The following ADAP1 variants were observed in gnomAD, a reference collection of about 807,000 sequenced individuals.
ADAP1 encodes the protein arf-GAP with dual PH domain-containing protein 1.
Under a neutral mutation model 54.9 loss-of-function variants are expected in ADAP1, and 31 were observed. The observed-to-expected ratio is 0.56, with a 90% CI of 0.42 to 0.76. The LOEUF (loss-of-function observed/expected upper bound fraction) is 0.76, where lower values mean the gene tolerates loss of function less well. Among genes scored for constraint, ADAP1 ranks in the 30% least tolerant of loss-of-function variants. The pLI is 0.00. For synonymous variants in ADAP1, 313 were observed against 202.6 expected, an observed-to-expected ratio of 1.55 and a Z score of -4.63; for missense variants, 535 against 512.4, an observed-to-expected ratio of 1.04 and a Z score of -0.42.
At chr7:905,291 A>C (rs1239270269) in intron 4 of ADAP1, 119 bp from the exon 5 acceptor site, 12 of 311,326 alleles carry the variant, frequency 3.9e-5, no homozygotes, top group Non-Finnish European at 5.6e-5. Flanking sequence ...CGGACGGGGG[A>C]CACGGACAGG....
In ADAP1 at chr7:954,548, C is replaced by T. The variant is rs957328891; in HGVS notation, c.-71G>A. On this transcript the variant is annotated 5_prime_UTR_variant, in exon 1 of 11. Coordinates refer to ENST00000265846, the MANE Select transcript of ADAP1 (RefSeq NM_006869.4). ...GCGTCAGCCCGGCTCGCTAGGGCCC[C>T]GCGCAGGCCGCCCGCCGCCGCCGCC... 2 of 991,970 alleles carry T rather than the reference C, an allele frequency of 2.0e-6. No individual in the cohort carries two copies. Among genetic ancestry groups the T allele is most frequent in the Non-Finnish European group, 2.4e-6 (2 of 835,668 alleles). 61.4% of individuals were successfully genotyped at this position (991,970 alleles called of 1,614,324 possible). A position where few individuals can be genotyped will look rare whatever the true frequency, so the allele number is the denominator to read the frequency against.
intron 6 of ADAP1, 198 bp downstream of exon 6, chr7:903,928 C>A: frequency 1.6e-6 from 1 of 632,662 alleles, no homozygotes. Context: ...CCCATGCTGC[C>A]CGGCGCCAGT....
At position 920,085 on chromosome 7, in the gene ADAP1, A is replaced by G. The variant is rs574519914; in HGVS notation, c.306-35T>C. ...GAGGAGAGACTGAGCCACTGGGCCAAGGCGGCCTCCGACCCAGCACACGCC... is the reference window on the plus strand; with the variant it reads ...GAGGAGAGACTGAGCCACTGGGCCAGGGCGGCCTCCGACCCAGCACACGCC... On this transcript the variant is annotated intron_variant, in intron 3 of 10. Transcript: ENST00000265846. This position sits in a 1 kb window ranked among gnomAD's most constrained non-coding sequence, Gnocchi z 4.5. 6 of 1,592,250 alleles carry G rather than the reference A, an allele frequency of 3.8e-6. No individual in the cohort carries two copies. In the Admixed American group the frequency reaches 1.0e-4, roughly 27 times the overall value.
rs574069155 is a variant in ADAP1, at chr7:945,956, ACCTTTGC to A, written c.82+8433_82+8439del. On this transcript the variant is annotated intron_variant, in intron 1 of 10. Coordinates refer to ENST00000265846, the MANE Select transcript of ADAP1 (RefSeq NM_006869.4). This position sits in a 1 kb window ranked among gnomAD's most constrained non-coding sequence, Gnocchi z 4.2. ...TGTCCATGGGGCCCTGGTTCCAGAGACCTTTGCCCTCCCAAGGCTGACGCACAGCAGA... is the reference window on the plus strand; with the variant it reads ...TGTCCATGGGGCCCTGGTTCCAGAGACCTCCCAAGGCTGACGCACAGCAGA... 5.4e-5 allele frequency: 20 copies of A among 369,700 alleles called. No homozygotes were observed. Among genetic ancestry groups the A allele is most frequent in the Middle Eastern group, 1.3e-3 (1 of 750 alleles). 22.9% of individuals were successfully genotyped at this position (369,700 alleles called of 1,614,324 possible).
chr7:920,318 G>A lies in ADAP1; in HGVS notation c.306-268C>T, dbSNP rs1846139096. Among the ~76,000 whole-genome samples the A allele has an allele frequency of 6.6e-6, 1 of 152,148 alleles. No individual in the cohort carries two copies. Among genetic ancestry groups the A allele is most frequent in the Non-Finnish European group, 1.5e-5 (1 of 68,012 alleles). On this transcript the variant is annotated intron_variant, in intron 3 of 10. Coordinates refer to ENST00000265846, the MANE Select transcript of ADAP1 (RefSeq NM_006869.4). This position sits in a 1 kb window ranked among gnomAD's most constrained non-coding sequence, Gnocchi z 4.5. ...CACGTTCTGCACAAGCGTTCCCGGTGGACGGGCTGGTGCCTCCCCTCTCCT... is the reference window on the plus strand; with the variant it reads ...CACGTTCTGCACAAGCGTTCCCGGTAGACGGGCTGGTGCCTCCCCTCTCCT...
In ADAP1 at chr7:941,645, G is replaced by C. The variant is rs187066952; in HGVS notation, c.83-6140C>G. Among the ~76,000 whole-genome samples, 8 of 152,268 alleles carry C rather than the reference G, an allele frequency of 5.3e-5. No homozygotes were observed. In the East Asian group the frequency reaches 9.6e-4, roughly 18 times the overall value. On this transcript the variant is annotated intron_variant, in intron 1 of 10. Transcript: ENST00000265846. ...CAAAATATTGCTCAGAGAAATTAAA[G>C]AAGACCTACAGATTTTGGAAAGAGA...
intron 1 of ADAP1, among the ~76,000 whole-genome samples, chr7:943,421 T>G (rs1289455266): frequency 3.5e-3 from 10 of 2,866 alleles, no homozygotes; most frequent in Non-Finnish European, 4.9e-3. Context: ...AGGAAGGGAA[T>G]GAGGAGGAGG....
rs999513309 is a variant in ADAP1 at position 926,913 on chromosome 7, G to A, written c.214-269C>T. 38 of 1,131,150 alleles carry A rather than the reference G, an allele frequency of 3.4e-5. No individual in the cohort carries two copies. The African/African-American group carries it at 5.9e-4, about 17-fold the overall frequency. 70.1% of individuals were successfully genotyped at this position (1,131,150 alleles called of 1,614,324 possible). A position where few individuals can be genotyped will look rare whatever the true frequency, so the allele number is the denominator to read the frequency against. On this transcript the variant is annotated intron_variant, in intron 2 of 10. Transcript: ENST00000265846. This position sits in a 1 kb window ranked among gnomAD's most constrained non-coding sequence, Gnocchi z 4.6. ...CAGGGGCCAGGCCCCTTTTGAGGAT[G>A]GGTCTGAGGTTTGCCCCACCGTTTC... is the stretch of plus-strand genomic sequence containing the variant.
Position 920,516 on chromosome 7 carries a change from AC to A in ADAP1, c.306-467del, listed in dbSNP as rs1266447551. Among the ~76,000 whole-genome samples the A allele has an allele frequency of 6.1e-4, 89 of 146,552 alleles. 1 individual carries two copies. The highest frequency in any genetic ancestry group is 1.2e-3 in the African/African-American group (49 of 39,432). ...TCCACCCACCGTGCTGCCACCTTGC[AC>A]CCCCCGTGCCGCCCTCCACCCGCCG... On this transcript the variant is annotated intron_variant, in intron 3 of 10. Coordinates refer to ENST00000265846, the MANE Select transcript of ADAP1 (RefSeq NM_006869.4). The surrounding 1 kb of genome is among the most constrained non-coding windows in gnomAD (Gnocchi z 4.5).
At chr7:915,540 C>T (rs1845899039) in intron 4 of ADAP1, among the ~76,000 whole-genome samples, 1 of 152,234 alleles carries the variant, frequency 6.6e-6, no homozygotes. Flanking sequence ...TGCCTGAAAA[C>T]CTCTGCCCCG....
rs1390022255 is a variant in ADAP1 at position 938,545 on chromosome 7, A to G, written c.83-3040T>C. ...TGGGGAAGAACCACACTGAAGTCCC[A>G]GAAGAGAGAGACCTGACTCCCCCCG... On this transcript the variant is annotated intron_variant, in intron 1 of 10. Coordinates refer to ENST00000265846, the MANE Select transcript of ADAP1 (RefSeq NM_006869.4). This position sits in a 1 kb window ranked among gnomAD's most constrained non-coding sequence, Gnocchi z 4.4. 6.6e-6 allele frequency among the ~76,000 whole-genome samples: 1 copy of G among 151,756 alleles called. No individual in the cohort carries two copies. The highest frequency in any genetic ancestry group is 2.4e-5 in the African/African-American group (1 of 41,026).
chr7:939,526 G>C (rs1846883867), intron 1 of ADAP1, among the ~76,000 whole-genome samples: 2 of 149,088 alleles, frequency 1.3e-5, no homozygotes, highest in African/African-American at 4.9e-5. Flanking sequence ...CCTACTATCT[G>C]TCTTTTTAAG....
chr7:905,879 A>AGGGAGAAGGGAGAAGGGAG (rs1562913139), intron 4 of ADAP1, among the ~76,000 whole-genome samples: 1 of 21,748 alleles, frequency 4.6e-5, no homozygotes, highest in African/African-American at 1.4e-4. Context: ...AGAAGGGAGA[A>AGGGAGAAGGGAGAAGGGAG]AGGAGAAAGG....
intron 4 of ADAP1, among the ~76,000 whole-genome samples, chr7:912,217 G>T (rs575145819): frequency 2.0e-5 from 3 of 152,282 alleles, no homozygotes; most frequent in South Asian, 2.1e-4. Flanking sequence ...GGAGCACGGG[G>T]TCCGGAGCCT....
At chr7:937,883 G>C (rs1168031693) in intron 1 of ADAP1, among the ~76,000 whole-genome samples, 1 of 152,160 alleles carries the variant, frequency 6.6e-6, no homozygotes, top group Non-Finnish European at 1.5e-5. Flanking sequence ...TGGGCTTCTT[G>C]AGGACCCCAG....
At chr7:954,175 G>A (rs2128114120) in intron 1 of ADAP1, among the ~76,000 whole-genome samples, 1 of 151,876 alleles carries the variant, frequency 6.6e-6, no homozygotes, top group African/African-American at 2.4e-5. Flanking sequence ...TCCTGGGGGG[G>A]GCCCCCCCGC....
rs1844639157 is a variant in ADAP1 at position 898,929 on chromosome 7, T to G, written c.1117A>C (p.Lys373Gln). 2 of 1,608,096 alleles carry G rather than the reference T, an allele frequency of 1.2e-6. No individual in the cohort carries two copies. The highest frequency in any genetic ancestry group is 1.3e-5 in the African/African-American group (1 of 74,788). The part of the protein sequence containing the change: ...EYAVEAHFKH[K>Q]P ...TCCTCCAGCCGCACTCGCTAAGGTT[T>G]ATGCTTGAAGTGCGCCTCCACTGCA... Residue 373 changes from lysine (K) to glutamine (Q), a missense_variant, in exon 11 of 11, where the codon AAA becomes CAA. Transcript: ENST00000265846.
intron 4 of ADAP1, among the ~76,000 whole-genome samples, chr7:917,991 G>A (rs7456170): frequency 0.042 from 6,322 of 152,180 alleles, 456 homozygotes; most frequent in East Asian, 0.27. Context: ...GTTTCGCCAC[G>A]TTGCTCAGGC....
At chr7:929,284 T>G (rs1294178363) in intron 2 of ADAP1, among the ~76,000 whole-genome samples, 1 of 128,512 alleles carries the variant, frequency 7.8e-6, no homozygotes, top group African/African-American at 3.0e-5. Context: ...AGAGCGAGAC[T>G]CCATCTCAAA....
Sources: allele counts gnomAD v4.1 joint callset (sites outside exome capture counted in the v4.1 genomes callset), GRCh38; gene constraint gnomAD v4.1.1; non-coding constraint Gnocchi (gnomAD v3.1); transcripts MANE v1.5; gene names NCBI Gene and HGNC (gene_info 2026-07-23, HGNC 2026-07-21).